DAB1: variants seen among roughly 807,000 people sequenced by gnomAD.
DAB1 encodes the protein DAB adaptor protein 1.
A neutral mutation model predicts 64.6 loss-of-function variants in DAB1; 15 were observed. The ratio of observed to expected loss-of-function variants is 0.23; its 90% CI spans 0.16 to 0.36. The LOEUF (loss-of-function observed/expected upper bound fraction) is 0.36, where lower values mean the gene tolerates loss of function less well. Among genes scored for constraint, DAB1 ranks in the 10% least tolerant of loss-of-function variants. The pLI, the probability that DAB1 is intolerant of heterozygous loss-of-function variation, is 1.00. For missense variants in DAB1, 596 were observed against 706.7 expected (o/e 0.84, Z 1.78); for synonymous variants, 235 against 251.9 (o/e 0.93, Z 0.64).
At chr1:57,491,270 T>C (rs1375655898) in intron 7 of DAB1, among the ~76,000 whole-genome samples, 1 of 151,722 alleles carries the variant, frequency 6.6e-6, no homozygotes, top group Non-Finnish European at 1.5e-5. Flanking sequence ...CTACTAAAAA[T>C]ACAAAAAATT....
At chr1:58,483,052 A>G (rs1172430683) in intron 3 of DAB1, among the ~76,000 whole-genome samples, 2 of 152,238 alleles carry the variant, frequency 1.3e-5, no homozygotes, top group Admixed American at 6.5e-5. Context: ...TTTGAAGAAT[A>G]CACATTCGAA....
chr1:57,476,747 G>A (rs1486891689), intron 7 of DAB1, among the ~76,000 whole-genome samples: 1 of 152,172 alleles, frequency 6.6e-6, no homozygotes, highest in Non-Finnish European at 1.5e-5. Context: ...GGTATAAAAA[G>A]TGACATCCTG....
At chr1:57,846,986 CT>C (rs1653316838) in intron 1 of DAB1, among the ~76,000 whole-genome samples, 1 of 152,176 alleles carries the variant, frequency 6.6e-6, no homozygotes, top group South Asian at 2.1e-4. Flanking sequence ...TGGTACTTAA[CT>C]AAGTCTTGTA....
At chr1:57,904,711 A>C (rs2101999728) in intron 5 of DAB1, among the ~76,000 whole-genome samples, 1 of 152,300 alleles carries the variant, frequency 6.6e-6, no homozygotes, top group Non-Finnish European at 1.5e-5. Context: ...ACAAGGGCAG[A>C]GCCCCCAAAG....
At chr1:58,282,748 C>T (rs1661592003) in intron 4 of DAB1, among the ~76,000 whole-genome samples, 2 of 152,148 alleles carry the variant, frequency 1.3e-5, no homozygotes, top group African/African-American at 4.8e-5. Flanking sequence ...AAAGACATGC[C>T]ATTCACTGAC....
chr1:58,334,171 C>T (rs1295699191), intron 4 of DAB1, among the ~76,000 whole-genome samples: 3 of 152,098 alleles, frequency 2.0e-5, no homozygotes, highest in African/African-American at 7.2e-5. Flanking sequence ...CTTGTCATAT[C>T]CAATCAGGAG....
rs183801891 is a variant in DAB1 at position 57,450,253 on chromosome 1, G to A, written n.626-159087C>T. ...CGACTGACACTTGATATTATTTTAC[G>A]AATAGAATTCTTGATGGCAGAGGGG... On this transcript the variant is annotated intron_variant and non_coding_transcript_variant, in intron 7 of 20. Transcript: ENST00000485760. Among the ~76,000 whole-genome samples the A allele has an allele frequency of 9.9e-5, 15 of 152,216 alleles. No individual in the cohort carries two copies. In the East Asian group the frequency reaches 1.7e-3, roughly 18 times the overall value.
chr1:58,248,821 C>A (rs1175953199), intron 4 of DAB1, among the ~76,000 whole-genome samples: 1 of 152,124 alleles, frequency 6.6e-6, no homozygotes, highest in Non-Finnish European at 1.5e-5. Flanking sequence ...CACTCTGCAG[C>A]AGAACTTCCC....
intron 1 of DAB1, among the ~76,000 whole-genome samples, chr1:57,840,816 G>A (rs917902372): frequency 6.6e-6 from 1 of 152,134 alleles, no homozygotes; most frequent in South Asian, 2.1e-4. Flanking sequence ...TGAAATTACA[G>A]TTCAAGATGA....
At chr1:58,536,122 A>T (rs1557458186) in intron 1 of DAB1, among the ~76,000 whole-genome samples, 1 of 152,174 alleles carries the variant, frequency 6.6e-6, no homozygotes, top group African/African-American at 2.4e-5. Flanking sequence ...AGAGAAAAAA[A>T]GCCTAGGAGA....
intron 6 of DAB1, among the ~76,000 whole-genome samples, chr1:57,703,158 G>A (rs1181511551): frequency 6.6e-6 from 1 of 152,146 alleles, no homozygotes; most frequent in East Asian, 1.9e-4. Flanking sequence ...GCCACCAAAA[G>A]CAGTTGCAAC....
At chr1:58,231,578 T>A (rs1422591902) in intron 4 of DAB1, among the ~76,000 whole-genome samples, 2 of 152,188 alleles carry the variant, frequency 1.3e-5, no homozygotes, top group Non-Finnish European at 2.9e-5. Flanking sequence ...ACAGGAGTGC[T>A]AGACAAAGGT....
chr1:57,169,350 C>T (rs549528659), intron 2 of DAB1, among the ~76,000 whole-genome samples: 2 of 152,132 alleles, frequency 1.3e-5, no homozygotes, highest in African/African-American at 4.8e-5. Context: ...GCAAGCATCA[C>T]CTCATTTATT....
intron 3 of DAB1, among the ~76,000 whole-genome samples, chr1:58,388,518 G>A (rs1040558570): frequency 2.0e-5 from 3 of 152,134 alleles, no homozygotes; most frequent in Non-Finnish European, 4.4e-5. Flanking sequence ...AAAGACAAAA[G>A]CCAAATGCTT....
intron 5 of DAB1, among the ~76,000 whole-genome samples, chr1:58,140,659 T>C (rs139955508): frequency 2.5e-4 from 38 of 152,250 alleles, no homozygotes; most frequent in African/African-American, 8.9e-4. Flanking sequence ...TATGAGTCCA[T>C]GAAAGTAGTA....
chr1:57,389,582 A>T (rs559657465), intron 1 of DAB1, among the ~76,000 whole-genome samples: 2 of 152,254 alleles, frequency 1.3e-5, no homozygotes, highest in East Asian at 3.9e-4. Context: ...CTATTATCCT[A>T]ACATCCTTCT....
chr1:58,495,521 G>T (rs1395773942), intron 3 of DAB1, among the ~76,000 whole-genome samples: 4 of 151,392 alleles, frequency 2.6e-5, no homozygotes, highest in South Asian at 2.1e-4. Flanking sequence ...TTCCTTACTT[G>T]ATCTGTGGTT....
chr1:57,946,576 C>T (rs1170548884), intron 5 of DAB1, among the ~76,000 whole-genome samples: 2 of 152,286 alleles, frequency 1.3e-5, no homozygotes, highest in South Asian at 4.1e-4. Context: ...TGGAAGCCAC[C>T]AGCAAGAGAT....
intron 6 of DAB1, among the ~76,000 whole-genome samples, chr1:57,795,209 T>C (rs1650786586): frequency 6.6e-6 from 1 of 152,220 alleles, no homozygotes; most frequent in Non-Finnish European, 1.5e-5. Flanking sequence ...ACACATTTAA[T>C]CTCCCTCTAG....
Sources: allele counts gnomAD v4.1 joint callset (sites outside exome capture counted in the v4.1 genomes callset), GRCh38; gene constraint gnomAD v4.1.1; transcripts MANE v1.5; gene names NCBI Gene and HGNC (gene_info 2026-07-23, HGNC 2026-07-21).